The following PCDHGA10 variants were observed in gnomAD, a reference collection of about 807,000 sequenced individuals.
The protein encoded by PCDHGA10 is protocadherin gamma subfamily A, 10, also known as protocadherin gamma-A10.
A neutral mutation model predicts 59.5 loss-of-function variants in PCDHGA10; 42 were observed. That is an observed-to-expected ratio of 0.71 (90% CI 0.55 to 0.91). PCDHGA10 has a LOEUF of 0.91. Ranked by LOEUF, PCDHGA10 falls within the 40% of genes least tolerant of loss-of-function variation. The pLI is 0.00. For missense variants in PCDHGA10, 1,111 were observed against 1,198.2 expected, an observed-to-expected ratio of 0.93 and a Z score of 1.07; for synonymous variants, 511 against 517.2, an observed-to-expected ratio of 0.99 and a Z score of 0.16.
chr5:141,444,965 A>C (rs561160996), intron 1 of PCDHGA10, among the ~76,000 whole-genome samples: 18 of 152,234 alleles, frequency 1.2e-4, no homozygotes, highest in South Asian at 6.2e-4. Context: ...CAATATTGAC[A>C]CTTCAAATCC....
At position 141,485,398 on chromosome 5, in the gene PCDHGA10, C is replaced by T. The variant is rs906016330; in HGVS notation, c.2437-9409C>T. The T allele has an allele frequency of 1.3e-5, 21 of 1,614,044 alleles. No individual in the cohort carries two copies. The highest frequency in any genetic ancestry group is 1.8e-5 in the Non-Finnish European group (21 of 1,179,928). On this transcript the variant is annotated intron_variant, in intron 1 of 3. Coordinates refer to ENST00000398610, the MANE Select transcript of PCDHGA10 (RefSeq NM_018913.3). This position sits in a 1 kb window ranked among gnomAD's most constrained non-coding sequence, Gnocchi z 5.7. ...CTGGAGAGGTGAACCAAAGACACTT[C>T]CGTGTGGATTTGGACAGCGGAGCCC...
intron 1 of PCDHGA10, among the ~76,000 whole-genome samples, chr5:141,488,675 T>C (rs888235928): frequency 2.6e-5 from 4 of 152,116 alleles, no homozygotes; most frequent in Admixed American, 1.3e-4. Flanking sequence ...TACATGGGCT[T>C]TGCCTCTCCC....
chr5:141,432,416 C>T lies in PCDHGA10; in HGVS notation c.2436+16805C>T. 4 of 1,614,258 alleles carry T rather than the reference C, an allele frequency of 2.5e-6. No individual in the cohort carries two copies. Among genetic ancestry groups the T allele is most frequent in the Non-Finnish European group, 3.4e-6 (4 of 1,180,048 alleles). ...CAACGTGTCGTTGAGCCTGTTCGTG[C>T]TGGACCAGAACGACAATGCGCCCGA... On this transcript the variant is annotated intron_variant, in intron 1 of 3. Coordinates refer to ENST00000398610, the MANE Select transcript of PCDHGA10 (RefSeq NM_018913.3). The surrounding 1 kb of genome is among the most constrained non-coding windows in gnomAD (Gnocchi z 6.0).
chr5:141,495,412 G>A lies in PCDHGA10; in HGVS notation c.2495+547G>A, dbSNP rs188302135. 2.2e-4 allele frequency among the ~76,000 whole-genome samples: 33 copies of A among 152,284 alleles called. No homozygotes were observed. The East Asian group carries it at 6.4e-3, about 29-fold the overall frequency. ...GGCATGGAGCAGGCCCCCTTCTCCG[G>A]CCCCTCCTCCCACTGTCCTCTGCCC... On this transcript the variant is annotated intron_variant, in intron 2 of 3. Coordinates refer to ENST00000398610, the MANE Select transcript of PCDHGA10 (RefSeq NM_018913.3).
chr5:141,491,901 G>C lies in PCDHGA10; in HGVS notation c.2437-2906G>C, dbSNP rs1196717010. 1 of 1,429,696 alleles carries C rather than the reference G, an allele frequency of 7.0e-7. No homozygotes were observed. The highest frequency in any genetic ancestry group is 9.3e-7 in the Non-Finnish European group (1 of 1,080,148). 88.6% of individuals were successfully genotyped at this position (1,429,696 alleles called of 1,614,324 possible). ...AAGGGATGGGGCTCCGAGCACCGGG[G>C]GTGGTGGCGACTGTGGGCGAGGGGA... On this transcript the variant is annotated intron_variant, in intron 1 of 3. Transcript: ENST00000398610. The surrounding 1 kb of genome is among the most constrained non-coding windows in gnomAD (Gnocchi z 6.9).
Position 141,477,931 on chromosome 5 carries a change from G to T in PCDHGA10, c.2437-16876G>T. 6.2e-7 allele frequency: 1 copy of T among 1,614,138 alleles called. No homozygotes were observed. Among genetic ancestry groups the T allele is most frequent in the Non-Finnish European group, 8.5e-7 (1 of 1,180,040 alleles). ...ACGCGGATGCAGGGCACAATGCCTG[G>T]CTCTCCTACAGTCTCTTGGGATCCC... On this transcript the variant is annotated intron_variant, in intron 1 of 3. Coordinates refer to ENST00000398610, the MANE Select transcript of PCDHGA10 (RefSeq NM_018913.3). This position sits in a 1 kb window ranked among gnomAD's most constrained non-coding sequence, Gnocchi z 4.9.
At chr5:141,436,473 C>CA (rs2097825744) in intron 1 of PCDHGA10, among the ~76,000 whole-genome samples, 1 of 152,112 alleles carries the variant, frequency 6.6e-6, no homozygotes, top group Non-Finnish European at 1.5e-5. Context: ...TCAGATGTAT[C>CA]ATAGAAGGAT....
At chr5:141,458,891 G>A (rs775720263) in intron 1 of PCDHGA10, among the ~76,000 whole-genome samples, 10 of 151,976 alleles carry the variant, frequency 6.6e-5, no homozygotes, top group South Asian at 2.1e-4. Context: ...CACACCATGC[G>A]CAGCTAATTT....
At position 141,486,543 on chromosome 5, in the gene PCDHGA10, A is replaced by G; in HGVS notation, c.2437-8264A>G. Reference sequence around the variant, plus strand: ...AATGATAATCCACCCTCTTTCTTTCAGAGGTCACATGAGGTGTTTGTTCCT... The same window carrying G: ...AATGATAATCCACCCTCTTTCTTTCGGAGGTCACATGAGGTGTTTGTTCCT... On this transcript the variant is annotated intron_variant, in intron 1 of 3. Transcript: ENST00000398610. This position sits in a 1 kb window ranked among gnomAD's most constrained non-coding sequence, Gnocchi z 5.0. 6.2e-7 allele frequency: 1 copy of G among 1,614,080 alleles called. No individual in the cohort carries two copies. Among genetic ancestry groups the G allele is most frequent in the Non-Finnish European group, 8.5e-7 (1 of 1,180,020 alleles).
intron 1 of PCDHGA10, among the ~76,000 whole-genome samples, chr5:141,465,017 C>T (rs1278815002): frequency 6.6e-6 from 1 of 152,132 alleles, no homozygotes; most frequent in Non-Finnish European, 1.5e-5. Context: ...GCTAAGATTA[C>T]AGCCATGAAC....
intron 1 of PCDHGA10, chr5:141,427,456 G>C (rs1172525843): frequency 2.0e-6 from 1 of 492,524 alleles, no homozygotes; most frequent in African/African-American, 1.9e-5. Flanking sequence ...GTTCCTTTTA[G>C]AATCGAATCT....
intron 1 of PCDHGA10, among the ~76,000 whole-genome samples, chr5:141,492,530 C>A (rs1595123138): frequency 1.3e-5 from 2 of 152,246 alleles, no homozygotes; most frequent in South Asian, 2.1e-4. Flanking sequence ...CCCACCTGCG[C>A]CCCGGGCTGG....
Position 141,485,831 on chromosome 5 carries a change from C to T in PCDHGA10, c.2437-8976C>T. 1 of 1,614,080 alleles carries T rather than the reference C, an allele frequency of 6.2e-7. No individual in the cohort carries two copies. The highest frequency in any genetic ancestry group is 8.5e-7 in the Non-Finnish European group (1 of 1,180,026). ...GCTGACTGCTGTCGATGGAGGGAAC[C>T]CGCCGAGATCTGGCACCGCAGAGCT... On this transcript the variant is annotated intron_variant, in intron 1 of 3. Coordinates refer to ENST00000398610, the MANE Select transcript of PCDHGA10 (RefSeq NM_018913.3). This position sits in a 1 kb window ranked among gnomAD's most constrained non-coding sequence, Gnocchi z 5.7.
At chr5:141,495,419 C>A (rs1434107823) in intron 2 of PCDHGA10, among the ~76,000 whole-genome samples, 1 of 152,228 alleles carries the variant, frequency 6.6e-6, no homozygotes, top group Non-Finnish European at 1.5e-5. Context: ...CCGGCCCCTC[C>A]TCCCACTGTC....
intron 3 of PCDHGA10, chr5:141,508,179 AG>A (rs1250335236): frequency 1.3e-5 from 2 of 152,326 alleles, no homozygotes; most frequent in Non-Finnish European, 2.9e-5. Flanking sequence ...ACAGGAGAGA[AG>A]GCATCACCCC....
chr5:141,482,591 A>G lies in PCDHGA10; in HGVS notation c.2437-12216A>G, dbSNP rs115650612. Among the ~76,000 whole-genome samples the G allele has an allele frequency of 6.3e-4, 95 of 151,838 alleles. 1 individual carries two copies. The highest frequency in any genetic ancestry group is 2.3e-3 in the African/African-American group (95 of 41,350). On this transcript the variant is annotated intron_variant, in intron 1 of 3. Coordinates refer to ENST00000398610, the MANE Select transcript of PCDHGA10 (RefSeq NM_018913.3). ...ATAGCATAAGATGCAGTGGGACCAA[A>G]CGGGAAAAAACACCTAAATGAGCCT...
Position 141,491,984 on chromosome 5 carries a change from C to G in PCDHGA10, c.2437-2823C>G. 1.4e-6 allele frequency: 1 copy of G among 734,256 alleles called. No homozygotes were observed. The highest frequency in any genetic ancestry group is 3.2e-5 in the East Asian group (1 of 31,678). The allele number at this position is 734,256 out of a possible 1,614,324, so 45.5% of individuals were successfully genotyped here. ...AAGGCCGGGGCCTCCTTCGAGCTTC[C>G]GGTGAATTTCGGGCGATTTCCGCGG... On this transcript the variant is annotated intron_variant, in intron 1 of 3. Coordinates refer to ENST00000398610, the MANE Select transcript of PCDHGA10 (RefSeq NM_018913.3). The surrounding 1 kb of genome is among the most constrained non-coding windows in gnomAD (Gnocchi z 6.9).
At chr5:141,434,830 C>A (rs7703679) in intron 1 of PCDHGA10, among the ~76,000 whole-genome samples, 45,467 of 151,546 alleles carry the variant, frequency 0.3, 8,050 homozygotes, top group African/African-American at 0.5. Flanking sequence ...GTACACTTGG[C>A]ATTTATAAAG....
At chr5:141,510,028 C>A (rs962629835) in intron 3 of PCDHGA10, among the ~76,000 whole-genome samples, 1 of 152,164 alleles carries the variant, frequency 6.6e-6, no homozygotes, top group Non-Finnish European at 1.5e-5. Context: ...GCTGGCTGGG[C>A]TGTTATGTAG....
Sources: gnomAD v4.1 joint callset for allele counts (sites outside exome capture counted in the v4.1 genomes callset) on GRCh38, gnomAD v4.1.1 for gene constraint, Gnocchi (gnomAD v3.1) non-coding constraint, MANE v1.5 for transcripts, NCBI Gene and HGNC (gene_info 2026-07-23, HGNC 2026-07-21) for gene names.